Variants in CTHRC1 observed in about 807,000 individuals in gnomAD.
The protein encoded by CTHRC1 is collagen triple helix repeat-containing protein 1.
In CTHRC1, 21 loss-of-function variants were observed where a neutral mutation model predicts 25.9. The ratio of observed to expected loss-of-function variants is 0.81; its 90% CI spans 0.57 to 1.17. The LOEUF (loss-of-function observed/expected upper bound fraction) is 1.17, where lower values mean the gene tolerates loss of function less well. CTHRC1 is among the 50% of genes most tolerant of loss of function. CTHRC1 has a pLI of 0.00. For missense variants in CTHRC1, 281 were observed against 304.3 expected, an observed-to-expected ratio of 0.92 and a Z score of 0.57; for synonymous variants, 109 against 113.1, an observed-to-expected ratio of 0.96 and a Z score of 0.23.
intron 1 of CTHRC1, among the ~76,000 whole-genome samples, chr8:103,375,502 C>T (rs540717805): frequency 2.0e-5 from 3 of 152,128 alleles, no homozygotes; most frequent in Admixed American, 6.5e-5. Flanking sequence ...TTTTGTCCTC[C>T]TCTGATGTGT....
At chr8:103,379,747 C>T (rs994508478) in intron 3 of CTHRC1, among the ~76,000 whole-genome samples, 3 of 152,010 alleles carry the variant, frequency 2.0e-5, no homozygotes, top group African/African-American at 7.3e-5. Flanking sequence ...CTCACTCTTC[C>T]CTTCCCTCAA....
Position 103,372,245 on chromosome 8 carries a change from C to T in CTHRC1, c.150+439C>T, listed in dbSNP as rs538511205. Among the ~76,000 whole-genome samples, 3 of 152,296 alleles carry T rather than the reference C, an allele frequency of 2.0e-5. No individual in the cohort carries two copies. The South Asian group carries it at 6.2e-4, about 32-fold the overall frequency. ...ACATGGACCTGGGCCTGGGCCAGGGCGGTGCAACGTGTCCTTTGTTGGGGC... is the reference window on the plus strand; with the variant it reads ...ACATGGACCTGGGCCTGGGCCAGGGTGGTGCAACGTGTCCTTTGTTGGGGC... On this transcript the variant is annotated intron_variant, in intron 1 of 3. Coordinates refer to ENST00000330295, the MANE Select transcript of CTHRC1 (RefSeq NM_138455.4).
At chr8:103,372,459 T>G (rs1374777197) in intron 1 of CTHRC1, 3 of 1,556,690 alleles carry the variant, frequency 1.9e-6, no homozygotes, top group Non-Finnish European at 1.7e-6. Context: ...GAAAGGGAAA[T>G]GAAGGGGCCC....
rs149662990 is a variant in CTHRC1 at position 103,375,807 on chromosome 8, A to G, written c.220A>G (p.Ile74Val). 244 of 1,614,126 alleles carry G rather than the reference A, an allele frequency of 1.5e-4. No individual in the cohort carries two copies. The highest frequency in any genetic ancestry group is 2.3e-4 in the Admixed American group (14 of 60,022). Residue 74 changes from isoleucine (I) to valine (V), a missense_variant, in exon 2 of 4, where the codon ATT becomes GTT. Coordinates refer to ENST00000330295, the MANE Select transcript of CTHRC1 (RefSeq NM_138455.4). ...GRDGSPGANGIPGTPGIPGRD... is the reference protein window; with the variant it reads ...GRDGSPGANGVPGTPGIPGRD... ...AGACGGGAGCCCTGGGGCCAATGGC[A>G]TTCCGGGTACACCTGGGATCCCAGG...
chr8:103,379,303 AC>A (rs1264264313), intron 3 of CTHRC1, among the ~76,000 whole-genome samples: 2 of 152,080 alleles, frequency 1.3e-5, no homozygotes, highest in Non-Finnish European at 2.9e-5. Flanking sequence ...AGCCTGGAGT[AC>A]ACTGGCAGGA....
Position 103,375,822 on chromosome 8 carries a change from G to T in CTHRC1, c.235G>T (p.Gly79Trp), listed in dbSNP as rs1815793602. 6.2e-7 allele frequency: 1 copy of T among 1,614,022 alleles called. No homozygotes were observed. Among genetic ancestry groups the T allele is most frequent in the South Asian group, 1.1e-5 (1 of 91,080 alleles). ...GGCCAATGGCATTCCGGGTACACCT[G>T]GGATCCCAGGTCGGGATGGATTCAA... ...PGANGIPGTP[G>W]IPGRDGFKGE... is the part of the protein sequence containing the mutation. Residue 79 changes from glycine to tryptophan, a missense_variant, in exon 2 of 4, where the codon GGG becomes TGG. Physicochemically the swap from Gly to Trp is radical, Grantham distance 184 (BLOSUM62 -2). Coordinates refer to ENST00000330295, the MANE Select transcript of CTHRC1 (RefSeq NM_138455.4).
intron 1 of CTHRC1, chr8:103,372,571 G>A: frequency 6.3e-7 from 1 of 1,598,342 alleles, no homozygotes; most frequent in Non-Finnish European, 8.5e-7. Flanking sequence ...CCAGGTAGGA[G>A]CATCACAGTC....
intron 3 of CTHRC1, among the ~76,000 whole-genome samples, chr8:103,381,958 A>G (rs1815919131): frequency 1.3e-5 from 2 of 152,004 alleles, no homozygotes; most frequent in South Asian, 2.1e-4. Flanking sequence ...AGATTGCGCC[A>G]GTGCACTCCA....
At chr8:103,379,574 C>G (rs1355713166) in intron 3 of CTHRC1, among the ~76,000 whole-genome samples, 1 of 151,998 alleles carries the variant, frequency 6.6e-6, no homozygotes, top group East Asian at 1.9e-4. Context: ...GGATGGCACA[C>G]CATGGTAGCA....
At chr8:103,382,306 C>T (rs1470134039) in intron 3 of CTHRC1, 152 bp from the exon 4 acceptor site, 8 of 701,924 alleles carry the variant, frequency 1.1e-5, no homozygotes, top group Non-Finnish European at 1.9e-5. Flanking sequence ...AAAAAGAGGA[C>T]TTCATTATAA....
At position 103,371,745 on chromosome 8, in the gene CTHRC1, C is replaced by T. The variant is rs1390786994; in HGVS notation, c.89C>T (p.Ala30Val). The T allele has an allele frequency of 2.6e-6, 4 of 1,536,872 alleles. No individual in the cohort carries two copies. In the Admixed American group the frequency reaches 8.0e-5, roughly 31 times the overall value. Residue 30 changes from alanine to valine, a missense_variant, in exon 1 of 4, where the codon GCC becomes GTC. Transcript: ENST00000330295. Reference sequence around the variant, plus strand: ...CTGCAGCTGCCCGCGCCGTCGAGCGCCTCTGAGATCCCCAAGGGGAAGCAA... The same window carrying T: ...CTGCAGCTGCCCGCGCCGTCGAGCGTCTCTGAGATCCCCAAGGGGAAGCAA... Reference protein sequence around the residue: ...LLLQLPAPSSASEIPKGKQKA... With the variant: ...LLLQLPAPSSVSEIPKGKQKA...
In CTHRC1 at chr8:103,375,628, AT is replaced by A. The variant is rs2130399093; in HGVS notation, c.151-109del. The A allele has an allele frequency of 6.9e-6, 6 of 863,776 alleles. No homozygotes were observed. In the South Asian group the frequency reaches 8.0e-5, roughly 11 times the overall value. The allele number at this position is 863,776 out of a possible 1,614,324, so 53.5% of individuals were successfully genotyped here. ...CTCATCTAGAACACGGGCATGTGGT[AT>A]GAAGGGATTCTTGACTCCAAGGGCT... On this transcript the variant is annotated intron_variant, in intron 1 of 3. Coordinates refer to ENST00000330295, the MANE Select transcript of CTHRC1 (RefSeq NM_138455.4).
intron 2 of CTHRC1, 57 bp downstream of exon 2, chr8:103,376,016 GTTAA>G (rs1442894765): frequency 2.3e-5 from 31 of 1,365,516 alleles, no homozygotes; most frequent in Non-Finnish European, 2.7e-5. Flanking sequence ...ATATTTTAGT[GTTAA>G]TTTTTAGGTG....
At chr8:103,372,592 A>C in intron 1 of CTHRC1, 1 of 1,598,312 alleles carries the variant, frequency 6.3e-7, no homozygotes. Context: ...AAGCTACGGG[A>C]GAAAACAGTT....
intron 3 of CTHRC1, among the ~76,000 whole-genome samples, chr8:103,381,920 C>G (rs913310120): frequency 6.6e-6 from 1 of 151,704 alleles, no homozygotes; most frequent in Non-Finnish European, 1.5e-5. Context: ...ATTGCTTGAA[C>G]GTGGGAAGCG....
intron 3 of CTHRC1, among the ~76,000 whole-genome samples, chr8:103,378,982 T>A (rs1815856947): frequency 7.2e-6 from 1 of 139,160 alleles, no homozygotes; most frequent in Non-Finnish European, 1.6e-5. Context: ...GATGACAGAG[T>A]GAGATGCAGT....
At chr8:103,371,943 G>A (rs991149811) in intron 1 of CTHRC1, 137 bp downstream of exon 1, 2 of 869,548 alleles carry the variant, frequency 2.3e-6, no homozygotes, top group African/African-American at 1.8e-5. Context: ...TGCTGCGCCG[G>A]GGTGTCATGC....
intron 1 of CTHRC1, among the ~76,000 whole-genome samples, chr8:103,373,383 C>T (rs949029293): frequency 6.6e-6 from 1 of 152,016 alleles, no homozygotes; most frequent in African/African-American, 2.4e-5. Flanking sequence ...CCACAAAGCT[C>T]TGCCCCCTGG....
At chr8:103,372,463 G>A in intron 1 of CTHRC1, 1 of 1,562,754 alleles carries the variant, frequency 6.4e-7, no homozygotes, top group Non-Finnish European at 8.6e-7. Context: ...GGGAAATGAA[G>A]GGGCCCGGCG....
Sources: gnomAD v4.1 joint callset for allele counts (sites outside exome capture counted in the v4.1 genomes callset) on GRCh38, gnomAD v4.1.1 for gene constraint, MANE v1.5 for transcripts, NCBI Gene and HGNC (gene_info 2026-07-23, HGNC 2026-07-21) for gene names.